The following MAGI2 variants were observed in gnomAD, a reference collection of about 807,000 sequenced individuals.
MAGI2 encodes the protein membrane associated guanylate kinase, WW and PDZ domain containing 2.
A neutral mutation model predicts 133.3 loss-of-function variants in MAGI2; 35 were observed. The ratio of observed to expected loss-of-function variants is 0.26; its 90% CI spans 0.20 to 0.35. The LOEUF is 0.35. Ranked by LOEUF, MAGI2 falls within the 10% of genes least tolerant of loss-of-function variation. The pLI, the probability that MAGI2 is intolerant of heterozygous loss-of-function variation, is 1.00. For synonymous variants in MAGI2, 729 were observed against 710.6 expected (o/e 1.03, Z -0.41); for missense variants, 1,636 against 1,863.4 (o/e 0.88, Z 2.25).
intron 3 of MAGI2, among the ~76,000 whole-genome samples, chr7:78,573,286 A>T (rs1458322852): frequency 5.7e-5 from 3 of 52,736 alleles, no homozygotes; most frequent in African/African-American, 1.7e-4. Context: ...ATATATATTT[A>T]TATAAATATA....
chr7:78,786,983 C>T (rs528947858), intron 2 of MAGI2, among the ~76,000 whole-genome samples: 145 of 151,378 alleles, frequency 9.6e-4, no homozygotes, highest in Non-Finnish European at 1.4e-3. Context: ...CAGAGTCTCT[C>T]TCTATTGCCA....
intron 1 of MAGI2, among the ~76,000 whole-genome samples, chr7:79,095,199 C>G (rs1056140999): frequency 2.0e-5 from 3 of 152,198 alleles, no homozygotes; most frequent in Non-Finnish European, 4.4e-5. Context: ...GCTTCCTTAC[C>G]TCTCTCAGCC....
intron 6 of MAGI2, among the ~76,000 whole-genome samples, chr7:78,407,458 TG>T (rs1271981955): frequency 6.6e-6 from 1 of 152,020 alleles, no homozygotes; most frequent in Non-Finnish European, 1.5e-5. Context: ...AAAAAGTTTT[TG>T]AAGCATTTTC....
intron 1 of MAGI2, among the ~76,000 whole-genome samples, chr7:79,278,319 T>G (rs1835388994): frequency 6.6e-6 from 1 of 152,208 alleles, no homozygotes; most frequent in Admixed American, 6.5e-5. Flanking sequence ...GGTGCCATGC[T>G]TCCTGTACAG....
intron 3 of MAGI2, among the ~76,000 whole-genome samples, chr7:78,613,752 A>C (rs1057507217): frequency 6.6e-6 from 1 of 152,230 alleles, no homozygotes; most frequent in Non-Finnish European, 1.5e-5. Flanking sequence ...ACATGAGTTA[A>C]AAATGTGACA....
At chr7:78,156,513 A>G (rs1405269227) in intron 16 of MAGI2, among the ~76,000 whole-genome samples, 1 of 152,146 alleles carries the variant, frequency 6.6e-6, no homozygotes, top group Non-Finnish European at 1.5e-5. Flanking sequence ...TTTAGTGCTT[A>G]CTCTGAGCCA....
intron 2 of MAGI2, among the ~76,000 whole-genome samples, chr7:78,775,839 C>A (rs778016095): frequency 6.6e-6 from 1 of 152,166 alleles, no homozygotes; most frequent in Non-Finnish European, 1.5e-5. Context: ...TGGTGCTACA[C>A]AATTAACACT....
intron 1 of MAGI2, among the ~76,000 whole-genome samples, chr7:79,062,085 C>T (rs1813806518): frequency 6.6e-6 from 1 of 152,062 alleles, no homozygotes; most frequent in Non-Finnish European, 1.5e-5. Context: ...AATTGCCACC[C>T]TATTGGCCCA....
intron 2 of MAGI2, among the ~76,000 whole-genome samples, chr7:78,632,165 T>G (rs1809079022): frequency 6.6e-6 from 1 of 152,234 alleles, no homozygotes. Context: ...TTGAGCTATA[T>G]CTCTGAATAA....
At chr7:79,224,794 T>C (rs1330517509) in intron 1 of MAGI2, among the ~76,000 whole-genome samples, 2 of 152,158 alleles carry the variant, frequency 1.3e-5, no homozygotes, top group African/African-American at 2.4e-5. Flanking sequence ...AATCTGTCAG[T>C]GGTCACCAGG....
At chr7:78,945,001 A>G (rs1442056493) in intron 2 of MAGI2, among the ~76,000 whole-genome samples, 3 of 151,972 alleles carry the variant, frequency 2.0e-5, no homozygotes, top group African/African-American at 7.3e-5. Context: ...GGCTTCCCAA[A>G]GTGCTGGATT....
intron 3 of MAGI2, among the ~76,000 whole-genome samples, chr7:78,562,791 C>A (rs1358292717): frequency 6.6e-6 from 1 of 152,140 alleles, no homozygotes; most frequent in Non-Finnish European, 1.5e-5. Flanking sequence ...AAGAGAGCCT[C>A]CATGAATTTA....
chr7:79,343,753 A>C (rs1461940440), intron 1 of MAGI2, among the ~76,000 whole-genome samples: 1 of 152,106 alleles, frequency 6.6e-6, no homozygotes, highest in Non-Finnish European at 1.5e-5. Flanking sequence ...TTTAGTTTTC[A>C]TTTTCAATAG....
At chr7:78,559,319 A>G (rs957981473) in intron 3 of MAGI2, among the ~76,000 whole-genome samples, 1 of 149,652 alleles carries the variant, frequency 6.7e-6, no homozygotes, top group Non-Finnish European at 1.5e-5. Flanking sequence ...TGACTTGTGT[A>G]TTAAAGAGTT....
intron 1 of MAGI2, among the ~76,000 whole-genome samples, chr7:79,088,512 G>T (rs113847234): frequency 1.3e-5 from 2 of 152,084 alleles, no homozygotes; most frequent in East Asian, 3.9e-4. Flanking sequence ...TCTTTCTCTT[G>T]CCTGATTGCC....
intron 1 of MAGI2, among the ~76,000 whole-genome samples, chr7:79,077,423 T>A (rs1815571970): frequency 6.7e-6 from 1 of 149,002 alleles, no homozygotes; most frequent in Non-Finnish European, 1.5e-5. Flanking sequence ...TAGCCAGGCG[T>A]GGTGGCGGGC....
intron 2 of MAGI2, among the ~76,000 whole-genome samples, chr7:78,704,207 TAAAC>T (rs1200576993): frequency 6.6e-6 from 1 of 151,938 alleles, no homozygotes; most frequent in African/African-American, 2.4e-5. Flanking sequence ...ATAAGGAACT[TAAAC>T]AAATTACAAC....
rs544655465 is a variant in MAGI2 at position 78,536,103 on chromosome 7, CTTTTTTT to C, written c.539-14465_539-14459del. Among the ~76,000 whole-genome samples the C allele has an allele frequency of 2.1e-3, 125 of 59,934 alleles. 3 individuals carry two copies. In the East Asian group the frequency reaches 0.051, roughly 25 times the overall value. 39.3% of individuals were successfully genotyped at this position (59,934 alleles called of 152,430 possible). A position where few individuals can be genotyped will look rare whatever the true frequency, so the allele number is the denominator to read the frequency against. On this transcript the variant is annotated intron_variant, in intron 3 of 21. Transcript: ENST00000354212. ...TACAGCTGGCTCTGTATGAATTAAACTTTTTTTTTTTTTTTTTTTTTTTTTTTGAGAC... is the reference window on the plus strand; with the variant it reads ...TACAGCTGGCTCTGTATGAATTAAACTTTTTTTTTTTTTTTTTTTTGAGAC...
At chr7:79,107,590 A>G (rs1384621358) in intron 1 of MAGI2, among the ~76,000 whole-genome samples, 1 of 152,248 alleles carries the variant, frequency 6.6e-6, no homozygotes, top group Non-Finnish European at 1.5e-5. Flanking sequence ...TACAGTGGCA[A>G]CAGAAGACTA....
Sources: gnomAD v4.1 joint callset for allele counts (sites outside exome capture counted in the v4.1 genomes callset) on GRCh38, gnomAD v4.1.1 for gene constraint, MANE v1.5 for transcripts, NCBI Gene and HGNC (gene_info 2026-07-23, HGNC 2026-07-21) for gene names.